The following XDH variants were observed in gnomAD, a reference collection of about 807,000 sequenced individuals.
XDH encodes the protein xanthine dehydrogenase/oxidase.
In XDH, 138 loss-of-function variants were observed where a neutral mutation model predicts 156.1. The observed-to-expected ratio is 0.88, with a 90% confidence interval of 0.77 to 1.02. The LOEUF (loss-of-function observed/expected upper bound fraction) is 1.02, where lower values mean the gene tolerates loss of function less well. XDH is among the 50% of genes least tolerant of loss of function. The pLI is 0.00. For missense variants in XDH, 1,849 were observed against 1,684.9 expected, an observed-to-expected ratio of 1.10 and a Z score of -1.71; for synonymous variants, 669 against 625.7, an observed-to-expected ratio of 1.07 and a Z score of -1.03.
At chr2:31,349,633 C>T in intron 26 of XDH, 53 bp downstream of exon 26, 1 of 1,613,102 alleles carries the variant, frequency 6.2e-7, no homozygotes, top group Non-Finnish European at 8.5e-7. Flanking sequence ...AGCAGAAAGG[C>T]TGTAGGATAT....
intron 4 of XDH, 120 bp downstream of exon 4, chr2:31,401,100 C>G: frequency 8.7e-7 from 1 of 1,150,874 alleles, no homozygotes; most frequent in Non-Finnish European, 1.3e-6. Flanking sequence ...GAAATGCCTT[C>G]TTAGATTAAG....
At chr2:31,343,310 A>ATATATATATATATATATGTATGTT (rs1685181464) in intron 31 of XDH, among the ~76,000 whole-genome samples, 2 of 102,230 alleles carry the variant, frequency 2.0e-5, no homozygotes, top group African/African-American at 9.2e-5. Context: ...ATATATATAT[A>ATATATATATATATATATGTATGTT]TATATATATA....
In XDH at chr2:31,414,637, C is replaced by T. The variant is rs1429116843; in HGVS notation, c.30G>A (p.Val10=). ...AGCTCCTACTTACCTTTCTGCCATT[C>T]ACAAAGAAAACCAATTTGTCTGCTG... The part of the protein sequence containing the change: MTADKLVFF[V]NGRKVVEKNA... Residue 10 remains valine, a synonymous_variant, in exon 1 of 36, where the codon GTG becomes GTA. Transcript: ENST00000379416. 1 of 1,614,072 alleles carries T rather than the reference C, an allele frequency of 6.2e-7. No individual in the cohort carries two copies. Among genetic ancestry groups the T allele is most frequent in the Non-Finnish European group, 8.5e-7 (1 of 1,179,992 alleles).
chr2:31,375,579 A>T, intron 14 of XDH, 25 bp from the exon 15 acceptor site: 2 of 1,610,396 alleles, frequency 1.2e-6, no homozygotes, highest in Non-Finnish European at 1.7e-6. Context: ...GGCGTGGGAC[A>T]GCGCTCCCGC....
chr2:31,406,233 T>C (rs1687188911), intron 1 of XDH, among the ~76,000 whole-genome samples: 1 of 152,170 alleles, frequency 6.6e-6, no homozygotes, highest in South Asian at 2.1e-4. Context: ...TGTCACGAGA[T>C]ATTTAAAAGT....
intron 24 of XDH, among the ~76,000 whole-genome samples, chr2:31,362,746 C>T (rs763816479): frequency 6.3e-4 from 96 of 152,302 alleles, no homozygotes; most frequent in African/African-American, 2.3e-3. Flanking sequence ...CCTGCCGGGC[C>T]GCCTCCGCCC....
chr2:31,403,259 C>A, intron 2 of XDH, 115 bp from the exon 3 acceptor site: 2 of 1,147,132 alleles, frequency 1.7e-6, no homozygotes, highest in Non-Finnish European at 2.5e-6. Context: ...GTGCTCAGGC[C>A]CCTCAACCAA....
intron 33 of XDH, among the ~76,000 whole-genome samples, chr2:31,340,364 G>A (rs1248431953): frequency 6.6e-6 from 1 of 152,244 alleles, no homozygotes; most frequent in Non-Finnish European, 1.5e-5. Context: ...CGTATACTCA[G>A]TAGTTGTCCA....
rs757091944 is a variant in XDH, at chr2:31,349,784, G to A, written c.2871C>T (p.Asn957=). ...GCAAGGTGAAACCCTCAAGCTTCTG[G>A]TTGAAGTGTGTCAGGTCCCCTTCTT... The part of the protein sequence containing the change: ...LYKEGDLTHF[N]QKLEGFTLPR... The change falls in exon 26 of 36, where the codon AAC becomes AAT. Residue 957 remains asparagine, a synonymous_variant. Coordinates refer to ENST00000379416, the MANE Select transcript of XDH (RefSeq NM_000379.4). 1.2e-6 allele frequency: 2 copies of A among 1,614,116 alleles called. No individual in the cohort carries two copies. The highest frequency in any genetic ancestry group is 1.1e-5 in the South Asian group (1 of 91,064).
chr2:31,375,268 G>C (rs1686212856), intron 15 of XDH, 112 bp downstream of exon 15: 1 of 1,369,250 alleles, frequency 7.3e-7, no homozygotes. Context: ...CCTGGTCCCT[G>C]CTATTCTGCC....
chr2:31,337,503 T>C (rs1474913833), intron 35 of XDH, 138 bp downstream of exon 35: 3 of 1,169,470 alleles, frequency 2.6e-6, no homozygotes, highest in Non-Finnish European at 3.8e-6. Flanking sequence ...CCATGCACAA[T>C]GAAGGGTGGC....
intron 24 of XDH, among the ~76,000 whole-genome samples, chr2:31,357,946 C>T (rs558704326): frequency 6.6e-6 from 1 of 151,948 alleles, no homozygotes; most frequent in South Asian, 2.1e-4. Context: ...AGTCCTAGAA[C>T]TATTAAGGAA....
At chr2:31,392,363 T>C (rs569786309) in intron 6 of XDH, among the ~76,000 whole-genome samples, 10 of 151,868 alleles carry the variant, frequency 6.6e-5, no homozygotes, top group African/African-American at 2.2e-4. Context: ...TTTTTTTTTC[T>C]AGTTTTCTAA....
intron 21 of XDH, 78 bp from the exon 22 acceptor site, chr2:31,366,187 C>T (rs529352912): frequency 6.2e-7 from 1 of 1,609,298 alleles, no homozygotes; most frequent in East Asian, 2.2e-5. Context: ...GCCTGTCCAA[C>T]ATGCATGGAC....
chr2:31,373,961 G>A lies in XDH; in HGVS notation c.1603-5C>T. Reference sequence around the variant, plus strand: ...GGGGTCCAGTTTACCACACTTCTGTGGAGACAAGAAAACAGAGGTGACCAG... The same window carrying A: ...GGGGTCCAGTTTACCACACTTCTGTAGAGACAAGAAAACAGAGGTGACCAG... On this transcript the variant is annotated splice_region_variant and splice_polypyrimidine_tract_variant and intron_variant, in intron 15 of 35. Coordinates refer to ENST00000379416, the MANE Select transcript of XDH (RefSeq NM_000379.4). The A allele has an allele frequency of 6.2e-7, 1 of 1,612,834 alleles. No individual in the cohort carries two copies. Among genetic ancestry groups the A allele is most frequent in the Non-Finnish European group, 8.5e-7 (1 of 1,179,298 alleles).
Position 31,348,306 on chromosome 2 carries a change from T to G in XDH, c.3109A>C (p.Thr1037Pro). ...DGSVLLTHGG[T>P]EMGQGLHTKM... ...GTATGAAGGCCTTGGCCCATCTCAG[T>G]CCCCCCGTGGGTCAGCAGCACAGAG... Residue 1037 changes from threonine to proline, a missense_variant, in exon 28 of 36, where the codon ACT becomes CCT. By Grantham distance (38) the Thr-to-Pro change is conservative. Coordinates refer to ENST00000379416, the MANE Select transcript of XDH (RefSeq NM_000379.4). 6.2e-7 allele frequency: 1 copy of G among 1,613,910 alleles called. No individual in the cohort carries two copies. Among genetic ancestry groups the G allele is most frequent in the Non-Finnish European group, 8.5e-7 (1 of 1,179,996 alleles).
chr2:31,335,867 G>T lies in XDH; in HGVS notation c.*91C>A. Reference sequence around the variant, plus strand: ...ACAAATCACAGGTCTGTCATTCTGTGACTTTAATAGATCCATGTTCTGTGG... The same window carrying T: ...ACAAATCACAGGTCTGTCATTCTGTTACTTTAATAGATCCATGTTCTGTGG... On this transcript the variant is annotated 3_prime_UTR_variant, in exon 36 of 36. Coordinates refer to ENST00000379416, the MANE Select transcript of XDH (RefSeq NM_000379.4). 1 of 1,431,346 alleles carries T rather than the reference G, an allele frequency of 7.0e-7. No individual in the cohort carries two copies. Among genetic ancestry groups the T allele is most frequent in the South Asian group, 1.1e-5 (1 of 87,136 alleles). The allele number at this position is 1,431,346 out of a possible 1,614,324, so 88.7% of individuals were successfully genotyped here.
chr2:31,374,066 A>C (rs1686155699), intron 15 of XDH, 110 bp from the exon 16 acceptor site: 3 of 1,116,080 alleles, frequency 2.7e-6, no homozygotes. Flanking sequence ...TTGTCTCTTC[A>C]CTTCATACGC....
chr2:31,371,622 A>G (rs999786798), intron 17 of XDH, among the ~76,000 whole-genome samples: 1 of 152,200 alleles, frequency 6.6e-6, no homozygotes, highest in African/African-American at 2.4e-5. Flanking sequence ...GACAAGGAAC[A>G]AAAGGGAAAG....
Sources: allele counts gnomAD v4.1 joint callset (sites outside exome capture counted in the v4.1 genomes callset), GRCh38; gene constraint gnomAD v4.1.1; transcripts MANE v1.5; gene names NCBI Gene and HGNC (gene_info 2026-07-23, HGNC 2026-07-21).